TMEM116: variants seen among roughly 807,000 people sequenced by gnomAD.
The protein encoded by TMEM116 is transmembrane protein 116.
TMEM116 carries 38 observed loss-of-function variants against 44.3 expected under a neutral mutation model. That is an observed-to-expected ratio of 0.86 (90% confidence interval 0.66 to 1.12). The LOEUF is 1.12. Ranked by LOEUF, TMEM116 falls within the 50% of genes most tolerant of loss-of-function variation. TMEM116 has a pLI of 0.00. For synonymous variants in TMEM116, 132 were observed against 144.8 expected, an observed-to-expected ratio of 0.91 and a Z score of 0.64; for missense variants, 354 against 401.7, an observed-to-expected ratio of 0.88 and a Z score of 1.01.
At chr12:111,955,504 T>A (rs1164222893) in intron 4 of TMEM116, among the ~76,000 whole-genome samples, 1 of 152,202 alleles carries the variant, frequency 6.6e-6, no homozygotes, top group African/African-American at 2.4e-5. Context: ...AATCTGAGGT[T>A]TGACCATGGA....
In TMEM116 at chr12:111,991,942, T is replaced by A. The variant is rs1209162814; in HGVS notation, c.79-53A>T. ...ATATGTGATGTAGCTAGGAGAATGT[T>A]AACAATGTAACAGTTCTTACATTTT... On this transcript the variant is annotated intron_variant, in intron 3 of 10. Transcript: ENST00000552374. 2.0e-6 allele frequency: 3 copies of A among 1,488,836 alleles called. No individual in the cohort carries two copies. In the Admixed American group the frequency reaches 6.4e-5, roughly 32 times the overall value. 92.2% of individuals were successfully genotyped at this position (1,488,836 alleles called of 1,614,324 possible). A position where few individuals can be genotyped will look rare whatever the true frequency, so the allele number is the denominator to read the frequency against.
At chr12:111,952,379 A>G (rs1274571746) in intron 4 of TMEM116, among the ~76,000 whole-genome samples, 1 of 152,232 alleles carries the variant, frequency 6.6e-6, no homozygotes, top group Non-Finnish European at 1.5e-5. Context: ...AGATATTACT[A>G]ATACTACATG....
Position 111,931,798 on chromosome 12 carries a change from G to A in TMEM116, c.837C>T (p.Leu279=). The A allele has an allele frequency of 1.3e-6, 2 of 1,558,066 alleles. No individual in the cohort carries two copies. Among genetic ancestry groups the A allele is most frequent in the Non-Finnish European group, 1.7e-6 (2 of 1,154,828 alleles). The change falls in exon 11 of 11, where the codon CTC becomes CTT. Residue 279 remains leucine (L), a synonymous_variant. Coordinates refer to ENST00000552374, the MANE Select transcript of TMEM116 (RefSeq NM_001193531.2). ...QALTATSQGL[L]NCGVYGWTQH... Reference sequence around the variant, plus strand: ...GCGTCCAGCCATATACTCCACAGTTGAGTAGACCCTGAGATGTTGCCGTTA... The same window carrying A: ...GCGTCCAGCCATATACTCCACAGTTAAGTAGACCCTGAGATGTTGCCGTTA...
At chr12:111,984,834 A>G (rs181104460) in intron 4 of TMEM116, among the ~76,000 whole-genome samples, 10 of 152,250 alleles carry the variant, frequency 6.6e-5, no homozygotes, top group African/African-American at 2.2e-4. Context: ...TACCCACAAA[A>G]TTAAAAAAAA....
intron 4 of TMEM116, among the ~76,000 whole-genome samples, chr12:111,958,682 C>T (rs1475924837): frequency 6.6e-6 from 1 of 152,010 alleles, no homozygotes; most frequent in Non-Finnish European, 1.5e-5. Context: ...AAACACAGCA[C>T]AAGAACTTCG....
At chr12:111,969,689 T>C (rs895336347) in intron 4 of TMEM116, among the ~76,000 whole-genome samples, 13 of 152,132 alleles carry the variant, frequency 8.5e-5, no homozygotes, top group African/African-American at 2.9e-4. Flanking sequence ...GCCATTCTCC[T>C]GCCTCAGCCT....
At chr12:111,965,717 C>CTT (rs2074931110) in intron 4 of TMEM116, 1 of 390,302 alleles carries the variant, frequency 2.6e-6, no homozygotes, top group Admixed American at 3.0e-5. Flanking sequence ...TGAGGTCAGG[C>CTT]ATTCAGGACC....
rs943563253 is a variant in TMEM116 at position 111,981,121 on chromosome 12, C to A, written c.210+10637G>T. ...TATACTTTAAATGTTTGCCATTATA[C>A]CTCAATTAAGCTGTTTAAAAAATAA... On this transcript the variant is annotated intron_variant, in intron 4 of 10. Coordinates refer to ENST00000552374, the MANE Select transcript of TMEM116 (RefSeq NM_001193531.2). Among the ~76,000 whole-genome samples, 2 of 150,972 alleles carry A rather than the reference C, an allele frequency of 1.3e-5. 1 individual carries two copies. Among genetic ancestry groups the A allele is most frequent in the Middle Eastern group, 6.9e-3 (2 of 288 alleles).
intron 5 of TMEM116, among the ~76,000 whole-genome samples, chr12:111,938,708 G>GT (rs2072398359): frequency 1.3e-5 from 2 of 152,224 alleles, no homozygotes; most frequent in East Asian, 3.9e-4. Context: ...TATGCCCTTT[G>GT]GATATAAGAC....
intron 10 of TMEM116, 130 bp from the exon 11 acceptor site, chr12:111,931,957 G>T: frequency 1.5e-6 from 1 of 649,186 alleles, no homozygotes; most frequent in East Asian, 3.0e-5. Context: ...TCTGACATCA[G>T]TTTTTTATAT....
In TMEM116 at chr12:111,932,568, G is replaced by T; in HGVS notation, c.807+18C>A. The stretch of plus-strand genomic sequence containing the variant: ...AAGCGGGTGTAAGAACAGAGATACT[G>T]AATGTTGAAGGTGTTACCTGGAGAA... On this transcript the variant is annotated intron_variant, in intron 10 of 10. Transcript: ENST00000552374. 6 of 1,606,704 alleles carry T rather than the reference G, an allele frequency of 3.7e-6. No individual in the cohort carries two copies. The highest frequency in any genetic ancestry group is 5.1e-6 in the Non-Finnish European group (6 of 1,173,216).
At chr12:111,992,509 T>C (rs971679491) in intron 3 of TMEM116, among the ~76,000 whole-genome samples, 2 of 152,166 alleles carry the variant, frequency 1.3e-5, no homozygotes, top group African/African-American at 4.8e-5. Flanking sequence ...GACCTTGTGA[T>C]CCACCCTCCT....
At chr12:111,963,045 C>A (rs1593415259) in intron 4 of TMEM116, among the ~76,000 whole-genome samples, 1 of 151,750 alleles carries the variant, frequency 6.6e-6, no homozygotes, top group African/African-American at 2.4e-5. Flanking sequence ...ATGCAGCCAA[C>A]AAACATATGA....
At chr12:111,957,421 C>A (rs970323337) in intron 4 of TMEM116, among the ~76,000 whole-genome samples, 2 of 151,614 alleles carry the variant, frequency 1.3e-5, no homozygotes, top group South Asian at 4.2e-4. Context: ...GTGGGGAGCC[C>A]CTCCGCCCGG....
intron 5 of TMEM116, 28 bp downstream of exon 5, chr12:111,943,237 T>C (rs1339699263): frequency 2.6e-6 from 4 of 1,558,750 alleles, no homozygotes; most frequent in Non-Finnish European, 3.5e-6. Flanking sequence ...CATACTATTA[T>C]TAACTATCAG....
At chr12:111,994,039 A>G (rs556702213) in intron 3 of TMEM116, among the ~76,000 whole-genome samples, 1 of 152,360 alleles carries the variant, frequency 6.6e-6, no homozygotes, top group South Asian at 2.1e-4. Flanking sequence ...TCTCTGAAGA[A>G]GCAGCTTGGG....
At chr12:111,993,721 G>A in intron 3 of TMEM116, 1 of 643,746 alleles carries the variant, frequency 1.6e-6, no homozygotes, top group Non-Finnish European at 3.0e-6. Flanking sequence ...GTACAAGTTT[G>A]TGGTTCGGAA....
At chr12:112,002,427 C>T (rs1263028029) in intron 3 of TMEM116, among the ~76,000 whole-genome samples, 1 of 149,468 alleles carries the variant, frequency 6.7e-6, no homozygotes, top group African/African-American at 2.5e-5. Context: ...TAGCTGGATG[C>T]GGTGGCAGTT....
chr12:111,954,583 C>A (rs553467640), intron 4 of TMEM116, among the ~76,000 whole-genome samples: 1 of 152,342 alleles, frequency 6.6e-6, no homozygotes, highest in South Asian at 2.1e-4. Context: ...GAGAAGTTCA[C>A]TTGCTTAAAA....
Sources: allele counts gnomAD v4.1 joint callset (sites outside exome capture counted in the v4.1 genomes callset), GRCh38; gene constraint gnomAD v4.1.1; transcripts MANE v1.5; gene names NCBI Gene and HGNC (gene_info 2026-07-23, HGNC 2026-07-21).